Variants in GABRA3 observed in about 807,000 individuals in gnomAD.
The protein encoded by GABRA3 is gamma-aminobutyric acid receptor subunit alpha-3.
Under a neutral mutation model 30.1 loss-of-function variants are expected in GABRA3, and 10 were observed. That is an observed-to-expected ratio of 0.33 (90% CI 0.20 to 0.56). The LOEUF is 0.56. Ranked by LOEUF, GABRA3 falls within the 20% of genes least tolerant of loss-of-function variation. The pLI is 0.89. For synonymous variants in GABRA3, 151 were observed against 146.8 expected (o/e 1.03, Z -0.21); for missense variants, 233 against 392.0 (o/e 0.59, Z 3.42).
At chrX:152,193,959 T>C (rs1603205370) in intron 8 of GABRA3, among the ~76,000 whole-genome samples, 1 of 111,754 alleles carries the variant, frequency 8.9e-6, no homozygotes, top group Non-Finnish European at 1.9e-5. Flanking sequence ...ATAGCACCAC[T>C]GCACTCCAGC....
chrX:152,282,695 C>T (rs187125806), intron 4 of GABRA3, among the ~76,000 whole-genome samples: 2 of 111,944 alleles, frequency 1.8e-5, no homozygotes, highest in African/African-American at 6.5e-5. Flanking sequence ...CACCCATACA[C>T]GCCTGCTATG....
intron 8 of GABRA3, among the ~76,000 whole-genome samples, chrX:152,194,684 AAATT>A (rs1344446494): frequency 1.8e-5 from 2 of 111,951 alleles, no homozygotes; most frequent in Non-Finnish European, 3.8e-5. Context: ...GATCAATCTC[AAATT>A]AATTCTCTGC....
At chrX:152,415,602 C>CA (rs1930191320) in intron 1 of GABRA3, among the ~76,000 whole-genome samples, 1 of 110,404 alleles carries the variant, frequency 9.1e-6, no homozygotes, top group African/African-American at 3.3e-5. Flanking sequence ...TAGAGACACA[C>CA]AAAAAAGAGC....
At chrX:152,199,233 G>A (rs181185340) in intron 7 of GABRA3, among the ~76,000 whole-genome samples, 13 of 106,409 alleles carry the variant, frequency 1.2e-4, no homozygotes, top group East Asian at 5.8e-4. Context: ...GGGTGTGGTG[G>A]CGGGCACCTG....
intron 3 of GABRA3, among the ~76,000 whole-genome samples, chrX:152,305,272 A>G (rs12013373): frequency 0.21 from 23,238 of 109,849 alleles, 2,278 homozygotes; most frequent in African/African-American, 0.38. Context: ...CAGAAGGGGC[A>G]AAGTAGGATG....
intron 3 of GABRA3, among the ~76,000 whole-genome samples, chrX:152,307,597 G>A (rs1271351469): frequency 9.0e-6 from 1 of 111,561 alleles, no homozygotes; most frequent in Non-Finnish European, 1.9e-5. Flanking sequence ...CCCATCAACA[G>A]ACCAGACCAT....
At chrX:152,193,195 C>T (rs1937345585) in intron 8 of GABRA3, among the ~76,000 whole-genome samples, 1 of 111,091 alleles carries the variant, frequency 9.0e-6, no homozygotes, top group African/African-American at 3.3e-5. Flanking sequence ...TGTGCCCATG[C>T]CATCCCCTCC....
At chrX:152,176,294 T>G (rs1275309560) in intron 9 of GABRA3, among the ~76,000 whole-genome samples, 4 of 110,801 alleles carry the variant, frequency 3.6e-5, no homozygotes, top group African/African-American at 1.3e-4. Context: ...AGCAGAATTT[T>G]TATAATTTAC....
chrX:152,269,118 C>A (rs191498085), intron 4 of GABRA3, among the ~76,000 whole-genome samples: 116 of 111,672 alleles, frequency 1.0e-3, no homozygotes, highest in African/African-American at 3.3e-3. Flanking sequence ...AAGACTCCAA[C>A]AAAAAATTGT....
At chrX:152,422,336 A>G (rs1017588962) in intron 1 of GABRA3, among the ~76,000 whole-genome samples, 1 of 111,507 alleles carries the variant, frequency 9.0e-6, no homozygotes, top group African/African-American at 3.2e-5. Context: ...TTCGACTTAT[A>G]TAAAGTTTAA....
intron 3 of GABRA3, among the ~76,000 whole-genome samples, chrX:152,329,755 C>T (rs1372633521): frequency 8.9e-6 from 1 of 111,790 alleles, no homozygotes; most frequent in Non-Finnish European, 1.9e-5. Context: ...TAGAAGAAAA[C>T]CTAGGTGAAA....
At chrX:152,441,005 G>A (rs1413107715) in intron 1 of GABRA3, among the ~76,000 whole-genome samples, 1 of 24,396 alleles carries the variant, frequency 4.1e-5, no homozygotes, top group African/African-American at 1.0e-4. Context: ...CAGACTTATA[G>A]TATAATAAAA....
chrX:152,302,608 T>C (rs895753202), intron 3 of GABRA3, among the ~76,000 whole-genome samples: 1 of 111,072 alleles, frequency 9.0e-6, no homozygotes, highest in Non-Finnish European at 1.9e-5. Context: ...GATTCAGGGG[T>C]TACATGTTCA....
intron 8 of GABRA3, among the ~76,000 whole-genome samples, chrX:152,192,482 C>A (rs996717527): frequency 1.8e-5 from 2 of 111,280 alleles, no homozygotes; most frequent in Non-Finnish European, 3.8e-5. Context: ...ACATTTGTTC[C>A]TATCAGAGTT....
chrX:152,271,638 T>C (rs971958035), intron 4 of GABRA3, among the ~76,000 whole-genome samples: 27 of 112,455 alleles, frequency 2.4e-4, no homozygotes, highest in African/African-American at 7.4e-4. Context: ...AGGAATTGAA[T>C]GCTAATTGCC....
chrX:152,183,347 A>C (rs1015987624), intron 9 of GABRA3, among the ~76,000 whole-genome samples: 1 of 110,556 alleles, frequency 9.0e-6, no homozygotes, highest in Admixed American at 9.7e-5. Context: ...GTTGGCATAC[A>C]ATTGTTTATA....
intron 4 of GABRA3, among the ~76,000 whole-genome samples, chrX:152,269,590 C>T (rs1325863373): frequency 8.9e-6 from 1 of 112,137 alleles, no homozygotes; most frequent in African/African-American, 3.2e-5. Flanking sequence ...TCAAAACTTA[C>T]TGTAAAGCAA....
At chrX:152,407,100 T>G (rs1430668978) in intron 1 of GABRA3, among the ~76,000 whole-genome samples, 1 of 110,301 alleles carries the variant, frequency 9.1e-6, no homozygotes. Flanking sequence ...AAGAAGGAAG[T>G]TTTTAGCATA....
intron 3 of GABRA3, among the ~76,000 whole-genome samples, chrX:152,338,163 C>T (rs1375126038): frequency 8.9e-6 from 1 of 111,898 alleles, no homozygotes; most frequent in African/African-American, 3.3e-5. Flanking sequence ...TGCCCAAGGG[C>T]TCTCCTTTTA....
Sources: allele counts gnomAD v4.1 joint callset (sites outside exome capture counted in the v4.1 genomes callset), GRCh38; gene constraint gnomAD v4.1.1; transcripts MANE v1.5; gene names NCBI Gene and HGNC (gene_info 2026-07-23, HGNC 2026-07-21).